The following USP25 variants were observed in gnomAD, a reference collection of about 807,000 sequenced individuals.
USP25 encodes ubiquitin specific peptidase 25, also known as ubiquitin carboxyl-terminal hydrolase 25.
Under a neutral mutation model 158.5 loss-of-function variants are expected in USP25, and 85 were observed. The ratio of observed to expected loss-of-function variants is 0.54; its 90% CI spans 0.45 to 0.64. USP25 has a LOEUF of 0.64. Ranked by LOEUF, USP25 falls within the 30% of genes least tolerant of loss-of-function variation. The pLI is 0.00. For synonymous variants in USP25, 464 were observed against 460.4 expected (o/e 1.01, Z -0.10); for missense variants, 1,242 against 1,327.3 (o/e 0.94, Z 1.00).
At chr21:15,749,928 A>T (rs1329964557) in intron 1 of USP25, among the ~76,000 whole-genome samples, 1 of 152,170 alleles carries the variant, frequency 6.6e-6, no homozygotes, top group Non-Finnish European at 1.5e-5. Flanking sequence ...TGTTCCTGGC[A>T]TGGAGCCCCT....
chr21:15,756,810 C>T lies in USP25; in HGVS notation c.46-6081C>T, dbSNP rs754744924. On this transcript the variant is annotated intron_variant, in intron 1 of 25. Transcript: ENST00000400183. ...TTGCAAGTAACTGAATCTCTTTGGA[C>T]GTTGCATCTTGCCCCTTTGGTTTAG... Among the ~76,000 whole-genome samples, 42 of 152,164 alleles carry T rather than the reference C, an allele frequency of 2.8e-4. 1 individual carries two copies. Among genetic ancestry groups the T allele is most frequent in the East Asian group, 5.8e-4 (3 of 5,176 alleles).
At chr21:15,785,935 C>G (rs2035246916) in intron 4 of USP25, among the ~76,000 whole-genome samples, 1 of 150,844 alleles carries the variant, frequency 6.6e-6, no homozygotes, top group South Asian at 2.1e-4. Context: ...AAAAAAGACT[C>G]GAATAAATAA....
intron 4 of USP25, among the ~76,000 whole-genome samples, chr21:15,782,487 A>G (rs1336323740): frequency 6.6e-6 from 1 of 152,154 alleles, no homozygotes; most frequent in Non-Finnish European, 1.5e-5. Context: ...CCCTGCTGCC[A>G]TTCAGGAGAG....
chr21:15,730,385 G>A lies in USP25; in HGVS notation c.-9G>A. 9 of 1,247,316 alleles carry A rather than the reference G, an allele frequency of 7.2e-6. No individual in the cohort carries two copies. The highest frequency in any genetic ancestry group is 8.1e-6 in the Non-Finnish European group (8 of 992,218). 77.3% of individuals were successfully genotyped at this position (1,247,316 alleles called of 1,614,324 possible). ...CACCGCCGCCGCCGCCGCCGCCGCC[G>A]CGGGGGCCATGACCGTGGAGCAGAA... is the stretch of plus-strand genomic sequence containing the variant. On this transcript the variant is annotated 5_prime_UTR_variant, in exon 1 of 26. Transcript: ENST00000400183.
intron 18 of USP25, among the ~76,000 whole-genome samples, chr21:15,846,120 GTGTATATA>G (rs1181320665): frequency 4.2e-5 from 3 of 71,396 alleles, no homozygotes; most frequent in African/African-American, 9.1e-5. Flanking sequence ...GTGTGTGTGT[GTGTATATA>G]TATATATATA....
Position 15,827,091 on chromosome 21 carries a change from A to G in USP25, c.1581A>G (p.Ile527Met). The G allele has an allele frequency of 6.2e-7, 1 of 1,614,166 alleles. No individual in the cohort carries two copies. The highest frequency in any genetic ancestry group is 1.1e-5 in the South Asian group (1 of 91,086). The part of the protein sequence containing the change: ...VIHKPFTQSR[I>M]PPDLPMHPAP... ...ACAAACCATTTACTCAGTCCCGGAT[A>G]CCTCCAGATTTGCCCATGCATCCGG... Residue 527 changes from isoleucine to methionine, a missense_variant, in exon 14 of 26, where the codon ATA (isoleucine) becomes ATG (methionine). Ile to Met is a conservative substitution (Grantham distance 10). Coordinates refer to ENST00000400183, the MANE Select transcript of USP25 (RefSeq NM_001283041.3).
At chr21:15,819,275 C>T (rs1984533330) in intron 10 of USP25, among the ~76,000 whole-genome samples, 3 of 152,304 alleles carry the variant, frequency 2.0e-5, no homozygotes, top group Admixed American at 6.5e-5. Context: ...TATGTGATTG[C>T]ATAAGGTCAG....
At chr21:15,856,520 G>A (rs2039148064) in intron 20 of USP25, among the ~76,000 whole-genome samples, 1 of 151,034 alleles carries the variant, frequency 6.6e-6, no homozygotes, top group African/African-American at 2.4e-5. Context: ...CGCCCAGGCT[G>A]GAGTGCAGTG....
chr21:15,730,236 C>T lies in USP25; in HGVS notation c.-158C>T. ...CGCCTGCCCGCGGTGCCCGCGCACG[C>T]CGGCCGCCATCGCCTTCGCGCCTGG... On this transcript the variant is annotated 5_prime_UTR_variant, in exon 1 of 26. Transcript: ENST00000400183. 1 of 816,526 alleles carries T rather than the reference C, an allele frequency of 1.2e-6. No homozygotes were observed. Among genetic ancestry groups the T allele is most frequent in the Middle Eastern group, 6.2e-4 (1 of 1,602 alleles). 50.6% of individuals were successfully genotyped at this position (816,526 alleles called of 1,614,324 possible).
At chr21:15,745,570 G>T (rs1449305469) in intron 1 of USP25, among the ~76,000 whole-genome samples, 1 of 149,984 alleles carries the variant, frequency 6.7e-6, no homozygotes, top group Non-Finnish European at 1.5e-5. Flanking sequence ...CGCCTCCCTG[G>T]GTTCAAGCGA....
intron 17 of USP25, among the ~76,000 whole-genome samples, chr21:15,834,602 ATTG>A (rs1276889330): frequency 1.3e-5 from 2 of 152,160 alleles, no homozygotes; most frequent in Non-Finnish European, 2.9e-5. Flanking sequence ...TCAATAGAAG[ATTG>A]TTTTACAGTG....
chr21:15,835,780 T>C lies in USP25; in HGVS notation c.2194+2232T>C, dbSNP rs8131981. Among the ~76,000 whole-genome samples the C allele has an allele frequency of 8.1e-3, 1,236 of 152,322 alleles. 11 individuals are homozygous for C. The highest frequency in any genetic ancestry group is 0.026 in the African/African-American group (1,062 of 41,566). ...ATCCTCCATAGACTTGACGGAAATA[T>C]GCACTTGGTTTGAATTAGTAGAAGT... On this transcript the variant is annotated intron_variant, in intron 17 of 25. Transcript: ENST00000400183.
chr21:15,806,321 T>A (rs1397785950), intron 7 of USP25, among the ~76,000 whole-genome samples: 1 of 152,064 alleles, frequency 6.6e-6, no homozygotes, highest in Non-Finnish European at 1.5e-5. Context: ...ATGCATAGTA[T>A]CTTTTCCAGT....
chr21:15,739,794 T>A (rs1246156360), intron 1 of USP25, among the ~76,000 whole-genome samples: 3 of 152,226 alleles, frequency 2.0e-5, no homozygotes, highest in Non-Finnish European at 4.4e-5. Context: ...AGTTTAGGAA[T>A]GTCACTATAT....
At chr21:15,759,721 T>A (rs1267492172) in intron 1 of USP25, among the ~76,000 whole-genome samples, 2 of 152,134 alleles carry the variant, frequency 1.3e-5, no homozygotes, top group Non-Finnish European at 2.9e-5. Context: ...AAGGTCTGTG[T>A]TTATGTTAAT....
intron 20 of USP25, 97 bp from the exon 21 acceptor site, chr21:15,864,171 A>G: frequency 7.7e-7 from 1 of 1,305,658 alleles, no homozygotes; most frequent in Admixed American, 2.8e-5. Flanking sequence ...AAAAAAAAAA[A>G]AGATTTAAAT....
At position 15,851,411 on chromosome 21, in the gene USP25, G is replaced by A. The variant is rs973012003; in HGVS notation, c.2547+1539G>A. On this transcript the variant is annotated intron_variant, in intron 20 of 25. Transcript: ENST00000400183. ...TTTATTCACAGTTTACACATTACCT[G>A]TTGAATTTGCTTCTGTGGAATATGA... Among the ~76,000 whole-genome samples the A allele has an allele frequency of 2.6e-5, 4 of 151,806 alleles. No homozygotes were observed. The East Asian group carries it at 7.7e-4, about 29-fold the overall frequency.
intron 14 of USP25, among the ~76,000 whole-genome samples, chr21:15,827,692 T>C (rs940432240): frequency 6.6e-6 from 1 of 152,082 alleles, no homozygotes; most frequent in African/African-American, 2.4e-5. Flanking sequence ...AACAGAGTTT[T>C]TACTGGCATG....
At chr21:15,866,423 C>G in intron 22 of USP25, 79 bp downstream of exon 22, 1 of 1,097,412 alleles carries the variant, frequency 9.1e-7, no homozygotes, top group Non-Finnish European at 1.2e-6. Context: ...TTCAGCCCAA[C>G]TGAAGTTGAA....
Sources: allele counts gnomAD v4.1 joint callset (sites outside exome capture counted in the v4.1 genomes callset), GRCh38; gene constraint gnomAD v4.1.1; transcripts MANE v1.5; gene names NCBI Gene and HGNC (gene_info 2026-07-23, HGNC 2026-07-21).